The following SGCZ variants were observed in gnomAD, a reference collection of about 807,000 sequenced individuals.
SGCZ encodes sarcoglycan zeta.
SGCZ carries 40 observed loss-of-function variants against 41.3 expected under a neutral mutation model. That is an observed-to-expected ratio of 0.97 (90% CI 0.75 to 1.26). The LOEUF (loss-of-function observed/expected upper bound fraction) is 1.26. Among genes scored for constraint, SGCZ ranks in the 50% most tolerant of loss-of-function variants. The pLI is 0.00. For synonymous variants in SGCZ, 206 were observed against 137.5 expected (o/e 1.50, Z -3.49); for missense variants, 552 against 369.8 (o/e 1.49, Z -4.04).
intron 2 of SGCZ, among the ~76,000 whole-genome samples, chr8:14,385,241 A>C (rs183597444): frequency 1.3e-5 from 2 of 152,244 alleles, no homozygotes; most frequent in Admixed American, 6.5e-5. Context: ...ACTGGTGTGA[A>C]CCAGCTCCAG....
rs182213116 is a variant in SGCZ, at chr8:14,127,411, C to G, written c.548-19176G>C. On this transcript the variant is annotated intron_variant, in intron 5 of 7. Transcript: ENST00000382080. ...TGCCAATATGTTACCAATCTCATCA[C>G]TTTGATTAATTTTAATATTGTGATT... Among the ~76,000 whole-genome samples, 513 of 152,066 alleles carry G rather than the reference C, an allele frequency of 3.4e-3. 5 individuals carry two copies. The highest frequency in any genetic ancestry group is 0.024 in the Middle Eastern group (7 of 294).
At chr8:14,650,028 T>C (rs1171647426) in intron 1 of SGCZ, among the ~76,000 whole-genome samples, 1 of 152,058 alleles carries the variant, frequency 6.6e-6, no homozygotes, top group Non-Finnish European at 1.5e-5. Flanking sequence ...TGGAAATTAC[T>C]GGGGGAGGAA....
intron 1 of SGCZ, among the ~76,000 whole-genome samples, chr8:14,555,330 G>C (rs888927330): frequency 1.3e-5 from 2 of 151,942 alleles, no homozygotes; most frequent in Non-Finnish European, 2.9e-5. Context: ...TGTTGGAGAT[G>C]GCTCCTGGCG....
chr8:14,655,855 C>T (rs1208994104), intron 1 of SGCZ, among the ~76,000 whole-genome samples: 1 of 152,036 alleles, frequency 6.6e-6, no homozygotes, highest in African/African-American at 2.4e-5. Flanking sequence ...ATAATTGGAA[C>T]CACATACTAT....
At chr8:15,236,521 C>G (rs929201092) in intron 1 of SGCZ, among the ~76,000 whole-genome samples, 1 of 152,094 alleles carries the variant, frequency 6.6e-6, no homozygotes, top group African/African-American at 2.4e-5. Flanking sequence ...TACCAAATGC[C>G]TAGGGGTAAA....
Position 15,084,023 on chromosome 8 carries a change from G to C in SGCZ, c.39+153562C>G, listed in dbSNP as rs541108333. 7.9e-5 allele frequency among the ~76,000 whole-genome samples: 12 copies of C among 152,254 alleles called. No homozygotes were observed. In the South Asian group the frequency reaches 2.5e-3, roughly 32 times the overall value. On this transcript the variant is annotated intron_variant, in intron 1 of 7. Transcript: ENST00000382080. ...TGTACTCATCACAAATTATTCTCAT[G>C]ACCATTAGAACACAGTTGAAAATGT...
At chr8:14,414,986 A>G (rs986830539) in intron 2 of SGCZ, among the ~76,000 whole-genome samples, 3 of 151,950 alleles carry the variant, frequency 2.0e-5, no homozygotes, top group Non-Finnish European at 4.4e-5. Flanking sequence ...AGTTCATTTA[A>G]TAATATTTTG....
intron 3 of SGCZ, among the ~76,000 whole-genome samples, chr8:14,297,623 A>G (rs1400850644): frequency 6.6e-6 from 1 of 152,018 alleles, no homozygotes; most frequent in Non-Finnish European, 1.5e-5. Context: ...AAAGACTTTC[A>G]TGTACATAAA....
At chr8:14,419,551 A>G (rs1349343605) in intron 2 of SGCZ, among the ~76,000 whole-genome samples, 1 of 151,960 alleles carries the variant, frequency 6.6e-6, no homozygotes, top group South Asian at 2.1e-4. Context: ...TCAGCAGACA[A>G]AAACAATATT....
At chr8:15,047,439 C>G (rs962308639) in intron 1 of SGCZ, among the ~76,000 whole-genome samples, 1 of 151,978 alleles carries the variant, frequency 6.6e-6, no homozygotes, top group East Asian at 1.9e-4. Flanking sequence ...TGCAGTCATA[C>G]AGTATTTGTC....
intron 2 of SGCZ, among the ~76,000 whole-genome samples, chr8:14,398,099 A>G (rs902954817): frequency 6.6e-6 from 1 of 152,118 alleles, no homozygotes; most frequent in African/African-American, 2.4e-5. Context: ...CCCTCAATTG[A>G]CATCAAGTAG....
intron 4 of SGCZ, among the ~76,000 whole-genome samples, chr8:14,222,104 A>ATGG (rs1478181232): frequency 2.6e-5 from 4 of 152,086 alleles, no homozygotes; most frequent in Non-Finnish European, 5.9e-5. Context: ...CTCCAATGAG[A>ATGG]TGGTACTTTA....
At chr8:14,680,532 A>C (rs1307203071) in intron 1 of SGCZ, among the ~76,000 whole-genome samples, 2 of 151,872 alleles carry the variant, frequency 1.3e-5, no homozygotes, top group Admixed American at 6.6e-5. Context: ...AAATGAAATA[A>C]AAATCACTCA....
chr8:14,431,597 T>C (rs1408491821), intron 2 of SGCZ, among the ~76,000 whole-genome samples: 1 of 152,028 alleles, frequency 6.6e-6, no homozygotes, highest in African/African-American at 2.4e-5. Context: ...CTAAAAGACA[T>C]CAGAGAAACT....
intron 2 of SGCZ, among the ~76,000 whole-genome samples, chr8:14,377,265 G>A (rs1200133673): frequency 2.0e-5 from 3 of 152,132 alleles, no homozygotes; most frequent in Non-Finnish European, 4.4e-5. Flanking sequence ...TACACAGTGG[G>A]GTTCAGAGGG....
At chr8:15,119,484 G>A (rs1807397285) in intron 1 of SGCZ, among the ~76,000 whole-genome samples, 1 of 151,644 alleles carries the variant, frequency 6.6e-6, no homozygotes, top group South Asian at 2.1e-4. Context: ...ATGAGCCATG[G>A]TCATGCCACT....
At chr8:14,286,807 C>T (rs748575008) in intron 3 of SGCZ, among the ~76,000 whole-genome samples, 1 of 152,010 alleles carries the variant, frequency 6.6e-6, no homozygotes, top group African/African-American at 2.4e-5. Context: ...CTAAGATACC[C>T]ATAAAATTGT....
chr8:14,648,092 A>C (rs540263378), intron 1 of SGCZ, among the ~76,000 whole-genome samples: 1,589 of 150,694 alleles, frequency 0.011, 25 homozygotes, highest in African/African-American at 0.038. Context: ...CTAAGCAGGC[A>C]AAAACTCCAA....
intron 1 of SGCZ, among the ~76,000 whole-genome samples, chr8:14,769,274 G>C (rs903050088): frequency 6.6e-6 from 1 of 152,054 alleles, no homozygotes; most frequent in African/African-American, 2.4e-5. Flanking sequence ...TTTTATCCAA[G>C]GAATTCACAA....
Sources: allele counts gnomAD v4.1 joint callset (sites outside exome capture counted in the v4.1 genomes callset), GRCh38; gene constraint gnomAD v4.1.1; transcripts MANE v1.5; gene names NCBI Gene and HGNC (gene_info 2026-07-23, HGNC 2026-07-21).